Variants in SYT12 observed in about 807,000 individuals in gnomAD.
The protein encoded by SYT12 is synaptotagmin 12.
SYT12 carries 27 observed loss-of-function variants against 39.5 expected under a neutral mutation model. The ratio of observed to expected loss-of-function variants is 0.68; its 90% CI spans 0.50 to 0.94. The LOEUF is 0.94. Ranked by LOEUF, SYT12 falls within the 40% of genes least tolerant of loss-of-function variation. The pLI is 0.00. For missense variants in SYT12, 536 were observed against 572.6 expected (o/e 0.94, Z 0.65); for synonymous variants, 233 against 239.7 (o/e 0.97, Z 0.26).
At chr11:67,020,202 C>G (rs1425655536), upstream of SYT12, among the ~76,000 whole-genome samples, 1 of 152,104 alleles carries the variant, frequency 6.6e-6, no homozygotes, top group African/African-American at 2.4e-5. Context: ...ACGGAGGAAG[C>G]TGTTGGTGAG....
intron 3 of SYT12, among the ~76,000 whole-genome samples, chr11:67,035,752 C>T (rs189324489): frequency 5.3e-4 from 81 of 151,552 alleles, no homozygotes; most frequent in Non-Finnish European, 9.6e-4. Flanking sequence ...CCACCGCGCC[C>T]GGCCCTTCCT....
Position 67,034,784 on chromosome 11 carries a change from CTACAGGT to C in SYT12, c.175_181del (p.Tyr59ThrfsTer55). ...GCCCCTCTCCGTTCCCCAATTACGA[CTACAGGT>C]ACCTTCAGCAGAAGTACGGCGAGAG... On this transcript the variant is annotated frameshift_variant, in exon 3 of 8. Transcript: ENST00000527043. LOFTEE classifies it high-confidence loss of function. The C allele has an allele frequency of 1.3e-6, 2 of 1,595,772 alleles. No homozygotes were observed. Among genetic ancestry groups the C allele is most frequent in the Non-Finnish European group, 1.7e-6 (2 of 1,173,390 alleles).
chr11:67,013,391 G>A (rs2136194154), intron 3 of SYT12, among the ~76,000 whole-genome samples: 1 of 152,274 alleles, frequency 6.6e-6, no homozygotes, highest in Non-Finnish European at 1.5e-5. Flanking sequence ...GGTGCTCAGG[G>A]CCTGGCAGGG....
chr11:67,018,917 T>C (rs1474494791), upstream of SYT12, among the ~76,000 whole-genome samples: 3 of 152,278 alleles, frequency 2.0e-5, 1 homozygote, highest in African/African-American at 7.2e-5. Context: ...CCTCATGAGC[T>C]GAGCCGGGGC....
chr11:67,027,274 G>A (rs61891269), intron 1 of SYT12: 10,983 of 152,370 alleles, frequency 0.072, 470 homozygotes, highest in Non-Finnish European at 0.1. Context: ...GCCAAGATGG[G>A]AGGATCATTG....
Position 67,039,805 on chromosome 11 carries a change from C to T in SYT12, c.229-6C>T. 6.2e-7 allele frequency: 1 copy of T among 1,606,898 alleles called. No homozygotes were observed. The highest frequency in any genetic ancestry group is 1.1e-5 in the South Asian group (1 of 90,926). On this transcript the variant is annotated splice_region_variant and splice_polypyrimidine_tract_variant and intron_variant, in intron 3 of 7. Coordinates refer to ENST00000527043, the MANE Select transcript of SYT12 (RefSeq NM_177963.4). ...ATGCTCCCACGTCCCTCTTTCTCAC[C>T]CCTAGAGAGTGCCTGCCTGGAATGC...
intron 1 of SYT12, chr11:67,027,170 C>G (rs2136206228): frequency 6.6e-6 from 1 of 152,660 alleles, no homozygotes; most frequent in South Asian, 2.1e-4. Flanking sequence ...TCCACTCAGG[C>G]AAATGAGCTC....
At chr11:67,042,785 G>T (rs1485888394) in intron 4 of SYT12, among the ~76,000 whole-genome samples, 1 of 152,204 alleles carries the variant, frequency 6.6e-6, no homozygotes, top group Non-Finnish European at 1.5e-5. Flanking sequence ...AGCCCTTCAA[G>T]AGCAGGGGAT....
chr11:67,038,145 CTATTTATTTATTTATT>C, intron 3 of SYT12, among the ~76,000 whole-genome samples: 1 of 147,832 alleles, frequency 6.8e-6, no homozygotes, highest in East Asian at 2.0e-4. Context: ...GAAAATAAAA[CTATTTATTTATTTATT>C]TATTTATTTA....
At chr11:67,038,920 G>A (rs1950440170) in intron 3 of SYT12, among the ~76,000 whole-genome samples, 1 of 152,054 alleles carries the variant, frequency 6.6e-6, no homozygotes, top group Non-Finnish European at 1.5e-5. Flanking sequence ...CCAGGAGGCA[G>A]AGGTTGCAGT....
intron 5 of SYT12, 42 bp downstream of exon 5, chr11:67,043,895 C>A: frequency 6.4e-7 from 1 of 1,564,014 alleles, no homozygotes; most frequent in Non-Finnish European, 8.8e-7. Flanking sequence ...AGAGCGTGCA[C>A]ACACATACAC....
upstream of SYT12, among the ~76,000 whole-genome samples, chr11:67,022,392 T>C (rs374651839): frequency 2.6e-5 from 4 of 151,530 alleles, no homozygotes; most frequent in East Asian, 7.8e-4. Flanking sequence ...CCTGCTCCCC[T>C]GGTTACTGTG....
rs756371151 is a variant in SYT12, at chr11:67,043,882, G to A, written c.837+29G>A. The stretch of plus-strand genomic sequence containing the variant: ...AGTGACTTGCCTGCTCGTCCACCTC[G>A]GAAGAGCGTGCACACACATACACTT... On this transcript the variant is annotated intron_variant, in intron 5 of 7. Coordinates refer to ENST00000527043, the MANE Select transcript of SYT12 (RefSeq NM_177963.4). The A allele has an allele frequency of 2.1e-5, 34 of 1,603,810 alleles. No homozygotes were observed. The Admixed American group carries it at 2.2e-4, about 10-fold the overall frequency.
At chr11:67,006,956 CTG>C (rs1187248708) in exon 1 of SYT12, 2 of 152,262 alleles carry the variant, frequency 1.3e-5, no homozygotes, top group Non-Finnish European at 2.9e-5. Context: ...AAAGCCACCT[CTG>C]TTGCTTCAGC....
Position 67,048,975 on chromosome 11 carries a change from C to T in SYT12, c.*218C>T. ...AGGGTCTGCTCCTGCTGAGGACCAG[C>T]TGTGGCTGGGCCAGGACAGAGGACT... On this transcript the variant is annotated 3_prime_UTR_variant, in exon 8 of 8. Coordinates refer to ENST00000527043, the MANE Select transcript of SYT12 (RefSeq NM_177963.4). 1 of 541,874 alleles carries T rather than the reference C, an allele frequency of 1.8e-6. No individual in the cohort carries two copies. The highest frequency in any genetic ancestry group is 3.2e-6 in the Non-Finnish European group (1 of 311,572). 33.6% of individuals were successfully genotyped at this position (541,874 alleles called of 1,614,324 possible).
intron 7 of SYT12, among the ~76,000 whole-genome samples, chr11:67,047,767 AC>A (rs1421525005): frequency 1.0e-5 from 1 of 96,162 alleles, no homozygotes; most frequent in African/African-American, 4.0e-5. Flanking sequence ...ACATGATGAA[AC>A]CCCCATCTCT....
At chr11:67,011,019 A>G (rs1950009566) in intron 3 of SYT12, 1 of 152,182 alleles carries the variant, frequency 6.6e-6, no homozygotes, top group Non-Finnish European at 1.5e-5. Context: ...TTATCACACT[A>G]TATTCAGGTG....
intron 3 of SYT12, 32 bp downstream of exon 3, chr11:67,034,870 A>G (rs1950329753): frequency 6.8e-7 from 1 of 1,473,678 alleles, no homozygotes; most frequent in South Asian, 1.4e-5. Context: ...GTGCACAGCG[A>G]GTGCAACCCC....
In SYT12 at chr11:67,034,851, C is replaced by A; in HGVS notation, c.228+13C>A. ...GGCCAGGGAGAAGGTGAGGCTTCTG[C>A]TCCTGCAGGTGCACAGCGAGTGCAA... On this transcript the variant is annotated intron_variant, in intron 3 of 7. Transcript: ENST00000527043. 5.3e-6 allele frequency: 8 copies of A among 1,518,352 alleles called. No homozygotes were observed. Among genetic ancestry groups the A allele is most frequent in the Non-Finnish European group, 7.0e-6 (8 of 1,138,646 alleles). 94.1% of individuals were successfully genotyped at this position (1,518,352 alleles called of 1,614,324 possible).
Sources: gnomAD v4.1 joint callset for allele counts (sites outside exome capture counted in the v4.1 genomes callset) on GRCh38, gnomAD v4.1.1 for gene constraint, MANE v1.5 for transcripts, NCBI Gene and HGNC (gene_info 2026-07-23, HGNC 2026-07-21) for gene names.